FABP2: variants seen among roughly 807,000 people sequenced by gnomAD.
FABP2 encodes the protein fatty acid-binding protein, intestinal.
Under a neutral mutation model 16.1 loss-of-function variants are expected in FABP2, and 11 were observed. The ratio of observed to expected loss-of-function variants is 0.68; its 90% CI spans 0.43 to 1.13. The LOEUF is 1.13. Ranked by LOEUF, FABP2 falls within the 50% of genes most tolerant of loss-of-function variation. The probability of loss-of-function intolerance (pLI) is 0.00; values close to 1 mark genes in which losing one functional copy is unlikely to be tolerated. For synonymous variants in FABP2, 45 were observed against 50.9 expected (o/e 0.88, Z 0.49); for missense variants, 146 against 155.1 (o/e 0.94, Z 0.31).
At chr4:119,321,014 A>G (rs762970202) in intron 1 of FABP2, among the ~76,000 whole-genome samples, 172 bp from the exon 2 acceptor site, 6 of 152,122 alleles carry the variant, frequency 3.9e-5, no homozygotes, top group Non-Finnish European at 8.8e-5. Flanking sequence ...CAATCAGATC[A>G]AGAGAACTGA....
chr4:119,320,545 T>C (rs1755649219), intron 2 of FABP2, 125 bp downstream of exon 2: 3 of 716,420 alleles, frequency 4.2e-6, no homozygotes, highest in Admixed American at 3.4e-5. Flanking sequence ...CAAACTTCAT[T>C]GGCTTCTTCA....
At position 119,318,899 on chromosome 4, in the gene FABP2, G is replaced by A. The variant is rs1353800048; in HGVS notation, c.*142C>T. 1.7e-6 allele frequency: 1 copy of A among 579,302 alleles called. No individual in the cohort carries two copies. The highest frequency in any genetic ancestry group is 2.0e-5 in the African/African-American group (1 of 50,730). 35.9% of individuals were successfully genotyped at this position (579,302 alleles called of 1,614,324 possible). ...AATTAGCTTTTACTTCTTTTGCTTT[G>A]GCATGAATGGAAATATACCAATGTT... is the stretch of plus-strand genomic sequence containing the variant. On this transcript the variant is annotated 3_prime_UTR_variant, in exon 4 of 4. Transcript: ENST00000274024.
At chr4:119,319,220 T>A (rs969002669) in intron 3 of FABP2, 129 bp from the exon 4 acceptor site, 9 of 391,600 alleles carry the variant, frequency 2.3e-5, no homozygotes, top group Non-Finnish European at 3.5e-5. Flanking sequence ...ATATATTATA[T>A]GAGTATGAGT....
chr4:119,319,831 A>G (rs1458646966), intron 2 of FABP2, among the ~76,000 whole-genome samples, 188 bp from the exon 3 acceptor site: 1 of 151,968 alleles, frequency 6.6e-6, no homozygotes, highest in Non-Finnish European at 1.5e-5. Context: ...TGATTCACCT[A>G]AAGTCACAGA....
At position 119,319,013 on chromosome 4, in the gene FABP2, A is replaced by G. The variant is rs756663530; in HGVS notation, c.*28T>C. 5 of 1,572,584 alleles carry G rather than the reference A, an allele frequency of 3.2e-6. No individual in the cohort carries two copies. The highest frequency in any genetic ancestry group is 3.5e-6 in the Non-Finnish European group (4 of 1,156,748). Reference sequence around the variant, plus strand: ...AATATAGATCTTCTGTCCAATTTGTATTTTGGACTGTGCGCCAAGAATAAT... The same window carrying G: ...AATATAGATCTTCTGTCCAATTTGTGTTTTGGACTGTGCGCCAAGAATAAT... On this transcript the variant is annotated 3_prime_UTR_variant, in exon 4 of 4. Coordinates refer to ENST00000274024, the MANE Select transcript of FABP2 (RefSeq NM_000134.4).
At chr4:119,320,597 A>G in intron 2 of FABP2, 73 bp downstream of exon 2, 3 of 1,225,138 alleles carry the variant, frequency 2.4e-6, no homozygotes, top group African/African-American at 1.6e-5. Context: ...ATCCAATGAA[A>G]TAGAGCAGAA....
In FABP2 at chr4:119,320,681, T is replaced by A. The variant is rs1480238944; in HGVS notation, c.229A>T (p.Thr77Ser). ...AAAAAAATTCTTACCCTGAGTTCAG[T>A]TCCGTCTGCTAGATTGTAATTAAAG... ...VTFNYNLADGTELRGTWSLEG... is the reference protein window; with the variant it reads ...VTFNYNLADGSELRGTWSLEG... Residue 77 changes from threonine to serine, a missense_variant, in exon 2 of 4, where the codon ACT becomes TCT. Coordinates refer to ENST00000274024, the MANE Select transcript of FABP2 (RefSeq NM_000134.4). 18 of 1,578,190 alleles carry A rather than the reference T, an allele frequency of 1.1e-5. No homozygotes were observed. The highest frequency in any genetic ancestry group is 1.5e-5 in the Non-Finnish European group (18 of 1,168,890).
At chr4:119,320,100 T>C (rs898530036) in intron 2 of FABP2, among the ~76,000 whole-genome samples, 1 of 150,706 alleles carries the variant, frequency 6.6e-6, no homozygotes, top group Non-Finnish European at 1.5e-5. Flanking sequence ...AAACATTCAG[T>C]AGTTAAATTG....
intron 1 of FABP2, among the ~76,000 whole-genome samples, chr4:119,321,790 G>A (rs1365290711): frequency 6.6e-6 from 1 of 152,016 alleles, no homozygotes; most frequent in Non-Finnish European, 1.5e-5. Flanking sequence ...AAACATTTCT[G>A]GATCTTTTTG....
chr4:119,322,019 A>C lies in FABP2; in HGVS notation c.67+17T>G. ...TAAGAAAGCAAAGAATGAGCCACAA[A>C]GAAATAAAGTCTTTACCCATTTTTT... On this transcript the variant is annotated intron_variant, in intron 1 of 3. Transcript: ENST00000274024. 4 of 1,601,252 alleles carry C rather than the reference A, an allele frequency of 2.5e-6. No individual in the cohort carries two copies. Among genetic ancestry groups the C allele is most frequent in the Non-Finnish European group, 3.4e-6 (4 of 1,170,394 alleles).
intron 2 of FABP2, among the ~76,000 whole-genome samples, chr4:119,320,372 G>C (rs1164109770): frequency 1.3e-5 from 2 of 151,938 alleles, no homozygotes; most frequent in African/African-American, 4.8e-5. Flanking sequence ...TTGCTGTACT[G>C]TTTAAAAACA....
At chr4:119,319,674 A>AATAATAATG (rs1374837768) in intron 2 of FABP2, 31 bp from the exon 3 acceptor site, 1 of 1,016,640 alleles carries the variant, frequency 9.8e-7, no homozygotes, top group South Asian at 2.5e-5. Flanking sequence ...TAATAATAAT[A>AATAATAATG]ATAATGGCAT....
At chr4:119,321,811 G>A (rs550710724) in intron 1 of FABP2, among the ~76,000 whole-genome samples, 1 of 152,184 alleles carries the variant, frequency 6.6e-6, no homozygotes, top group South Asian at 2.1e-4. Context: ...GTGTGTTTCA[G>A]AGAACAGCAC....
In FABP2 at chr4:119,318,021, A is replaced by G. The variant is rs574549945; in HGVS notation, c.*1020T>C. On this transcript the variant is annotated 3_prime_UTR_variant, in exon 4 of 4. Transcript: ENST00000274024. ...CTATTAGCGATTCTGATATAATAGA[A>G]TAACAGTGGAGATTAAGAATGCAGA... is the stretch of plus-strand genomic sequence containing the variant. The G allele has an allele frequency of 6.6e-6, 1 of 152,270 alleles. No individual in the cohort carries two copies. The highest frequency in any genetic ancestry group is 1.9e-4 in the East Asian group (1 of 5,182). The allele number at this position is 152,270 out of a possible 1,614,324, so 9.4% of individuals were successfully genotyped here.
rs140436784 is a variant in FABP2 at position 119,320,689 on chromosome 4, G to A, written c.221C>T (p.Ala74Val). The A allele has an allele frequency of 1.1e-5, 18 of 1,587,234 alleles. No homozygotes were observed. Among genetic ancestry groups the A allele is most frequent in the Non-Finnish European group, 1.5e-5 (18 of 1,171,376 alleles). Residue 74 changes from alanine (A) to valine (V), a missense_variant, in exon 2 of 4, where the codon GCA (alanine) becomes GTA (valine). Coordinates refer to ENST00000274024, the MANE Select transcript of FABP2 (RefSeq NM_000134.4). ...TCTTACCCTGAGTTCAGTTCCGTCT[G>A]CTAGATTGTAATTAAAGGTGACACC... ...ELGVTFNYNL[A>V]DGTELRGTWS...
intron 2 of FABP2, 21 bp downstream of exon 2, chr4:119,320,649 C>T: frequency 6.5e-7 from 1 of 1,529,838 alleles, no homozygotes; most frequent in Non-Finnish European, 8.8e-7. Flanking sequence ...ATGCATTGCT[C>T]ATAAAAAAAA....
intron 2 of FABP2, 124 bp downstream of exon 2, chr4:119,320,546 G>T: frequency 2.8e-6 from 2 of 716,962 alleles, no homozygotes; most frequent in Non-Finnish European, 4.4e-6. Flanking sequence ...AAACTTCATT[G>T]GCTTCTTCAG....
intron 2 of FABP2, among the ~76,000 whole-genome samples, 173 bp from the exon 3 acceptor site, chr4:119,319,816 C>T (rs548463686): frequency 6.6e-6 from 1 of 152,026 alleles, no homozygotes; most frequent in South Asian, 2.1e-4. Flanking sequence ...TGTAAAATGG[C>T]ACAGTGATTC....
At chr4:119,320,109 T>C (rs1382806807) in intron 2 of FABP2, among the ~76,000 whole-genome samples, 1 of 152,058 alleles carries the variant, frequency 6.6e-6, no homozygotes, top group Non-Finnish European at 1.5e-5. Context: ...GTAGTTAAAT[T>C]GTCATTACAA....
Sources: gnomAD v4.1 joint callset for allele counts (sites outside exome capture counted in the v4.1 genomes callset) on GRCh38, gnomAD v4.1.1 for gene constraint, MANE v1.5 for transcripts, NCBI Gene and HGNC (gene_info 2026-07-23, HGNC 2026-07-21) for gene names.